The following TPO variants were observed in gnomAD, a reference collection of about 807,000 sequenced individuals.
TPO encodes thyroid microsomal antigen.
Under a neutral mutation model 96.9 loss-of-function variants are expected in TPO, and 78 were observed. The ratio of observed to expected loss-of-function variants is 0.81; its 90% CI spans 0.67 to 0.97. TPO has a LOEUF of 0.97. TPO is among the 50% of genes least tolerant of loss of function. The pLI is 0.00. For missense variants in TPO, 1,252 were observed against 1,274.8 expected (o/e 0.98, Z 0.27); for synonymous variants, 547 against 538.0 (o/e 1.02, Z -0.23).
chr2:1,487,463 G>A (rs146822000), intron 9 of TPO, among the ~76,000 whole-genome samples: 29 of 152,302 alleles, frequency 1.9e-4, no homozygotes, highest in Non-Finnish European at 3.8e-4. Context: ...GGCTGGGCGC[G>A]GTGGCTCACG....
chr2:1,449,163 C>T (rs1667102728), intron 5 of TPO, among the ~76,000 whole-genome samples: 1 of 152,110 alleles, frequency 6.6e-6, no homozygotes, highest in African/African-American at 2.4e-5. Context: ...ATTGGAAGAA[C>T]CCTTAAGATC....
At chr2:1,398,834 G>T (rs948233643) in intron 1 of TPO, among the ~76,000 whole-genome samples, 1 of 152,178 alleles carries the variant, frequency 6.6e-6, no homozygotes, top group Non-Finnish European at 1.5e-5. Flanking sequence ...TGCCTGGAAG[G>T]TTGTGCCCCC....
chr2:1,531,382 A>G (rs1466955913), intron 15 of TPO, among the ~76,000 whole-genome samples: 8 of 61,464 alleles, frequency 1.3e-4, no homozygotes, highest in Admixed American at 3.1e-4. Flanking sequence ...ACTCTGTGCA[A>G]CCTCCCAAAA....
chr2:1,443,606 A>G (rs200133618), intron 5 of TPO, among the ~76,000 whole-genome samples: 1,577 of 133,112 alleles, frequency 0.012, 4 homozygotes, highest in East Asian at 0.024. Flanking sequence ...TCATTGCTGC[A>G]GGAGGTACCA....
intron 1 of TPO, among the ~76,000 whole-genome samples, chr2:1,397,534 A>C (rs1662100926): frequency 6.6e-6 from 1 of 152,182 alleles, no homozygotes; most frequent in Non-Finnish European, 1.5e-5. Flanking sequence ...TGCAGCTCAA[A>C]TTCAGGCTGG....
intron 1 of TPO, among the ~76,000 whole-genome samples, chr2:1,396,405 C>T (rs994311471): frequency 6.6e-6 from 1 of 152,240 alleles, no homozygotes; most frequent in Non-Finnish European, 1.5e-5. Context: ...GAAGTATAGA[C>T]GTCCCGCAGT....
chr2:1,453,915 C>T (rs1667551586), intron 6 of TPO, 92 bp downstream of exon 6: 2 of 1,568,110 alleles, frequency 1.3e-6, no homozygotes, highest in Admixed American at 1.8e-5. Context: ...CTTGCTCGTG[C>T]TGGGTGCTGC....
chr2:1,448,336 G>A (rs1373700587), intron 5 of TPO, among the ~76,000 whole-genome samples: 2 of 152,234 alleles, frequency 1.3e-5, no homozygotes, highest in Non-Finnish European at 2.9e-5. Flanking sequence ...GCAGATGTCA[G>A]GTCCGCCTCC....
At chr2:1,414,378 A>T (rs758846981) in intron 1 of TPO, 30 bp from the exon 2 acceptor site, 6 of 1,600,500 alleles carry the variant, frequency 3.7e-6, no homozygotes, top group Non-Finnish European at 5.1e-6. Flanking sequence ...GTGCTTGATT[A>T]CATACTCTGT....
At chr2:1,414,191 G>T (rs543094568) in intron 1 of TPO, among the ~76,000 whole-genome samples, 1 of 152,136 alleles carries the variant, frequency 6.6e-6, no homozygotes, top group Admixed American at 6.5e-5. Flanking sequence ...AATAATGGGG[G>T]CCTGGGAGGC....
chr2:1,376,459 T>G (rs956666203), intron 1 of TPO, among the ~76,000 whole-genome samples: 1 of 152,198 alleles, frequency 6.6e-6, no homozygotes, highest in Non-Finnish European at 1.5e-5. Flanking sequence ...AAGTGACATT[T>G]TTGCTTGTTA....
intron 10 of TPO, among the ~76,000 whole-genome samples, chr2:1,493,050 G>A (rs2124913857): frequency 6.6e-6 from 1 of 152,230 alleles, no homozygotes; most frequent in East Asian, 1.9e-4. Flanking sequence ...GGGGGCCTGG[G>A]CAGGGAGCAG....
chr2:1,494,004 TG>T lies in TPO; in HGVS notation c.1974del (p.Lys659SerfsTer3). 6.2e-7 allele frequency: 1 copy of T among 1,614,102 alleles called. No homozygotes were observed. Among genetic ancestry groups the T allele is most frequent in the Non-Finnish European group, 8.5e-7 (1 of 1,180,012 alleles). On this transcript the variant is annotated frameshift_variant, in exon 11 of 17. Transcript: ENST00000329066. LOFTEE classifies it high-confidence loss of function. ...CAGGGCCCCTGTTTGCCTGTCTCATTGGGAAGCAGATGAAGGCTCTGCGGGA... is the reference window on the plus strand; with the variant it reads ...CAGGGCCCCTGTTTGCCTGTCTCATTGGAAGCAGATGAAGGCTCTGCGGGA... ...RTGPLFACLI[G>X]KQMKALRDGD...
At chr2:1,470,966 G>T (rs1669350826) in intron 7 of TPO, among the ~76,000 whole-genome samples, 1 of 152,130 alleles carries the variant, frequency 6.6e-6, no homozygotes, top group Non-Finnish European at 1.5e-5. Flanking sequence ...GGTGATGCAG[G>T]TTTTCATTTA....
At chr2:1,539,875 TG>T (rs1680519726) in intron 15 of TPO, among the ~76,000 whole-genome samples, 1 of 48,236 alleles carries the variant, frequency 2.1e-5, no homozygotes, top group Non-Finnish European at 4.4e-5. Flanking sequence ...ATTTGGGGAA[TG>T]GGGGCGGGGG....
chr2:1,478,708 G>A (rs1232849814), intron 8 of TPO, among the ~76,000 whole-genome samples: 3 of 152,008 alleles, frequency 2.0e-5, no homozygotes, highest in Non-Finnish European at 2.9e-5. Context: ...GTCCTAACAC[G>A]CATCCACACA....
chr2:1,507,085 T>C (rs1673543392), intron 14 of TPO, among the ~76,000 whole-genome samples: 1 of 152,052 alleles, frequency 6.6e-6, no homozygotes, highest in Admixed American at 6.6e-5. Context: ...AGGGATCCAG[T>C]TTCAGCTTTC....
At chr2:1,427,349 G>C (rs1208738190) in intron 3 of TPO, among the ~76,000 whole-genome samples, 1 of 152,218 alleles carries the variant, frequency 6.6e-6, no homozygotes, top group African/African-American at 2.4e-5. Context: ...GAGGGTTCTG[G>C]GGCCTGCGGC....
intron 1 of TPO, among the ~76,000 whole-genome samples, chr2:1,379,159 G>T (rs993330561): frequency 2.0e-4 from 30 of 152,080 alleles, no homozygotes; most frequent in African/African-American, 7.0e-4. Flanking sequence ...ATAAAAATTA[G>T]CCAGGTGTGG....
Sources: allele counts gnomAD v4.1 joint callset (sites outside exome capture counted in the v4.1 genomes callset), GRCh38; gene constraint gnomAD v4.1.1; transcripts MANE v1.5; gene names NCBI Gene and HGNC (gene_info 2026-07-23, HGNC 2026-07-21).